PDE6A: variants seen among roughly 807,000 people sequenced by gnomAD.
PDE6A encodes phosphodiesterase 6A.
In PDE6A, 84 loss-of-function variants were observed where a neutral mutation model predicts 106.3. The ratio of observed to expected loss-of-function variants is 0.79; its 90% CI spans 0.66 to 0.95. PDE6A has a LOEUF of 0.95. Ranked by LOEUF, PDE6A falls within the 40% of genes least tolerant of loss-of-function variation. PDE6A has a pLI of 0.00. For missense variants in PDE6A, 1,052 were observed against 1,084.9 expected, an observed-to-expected ratio of 0.97 and a Z score of 0.43; for synonymous variants, 394 against 386.6, an observed-to-expected ratio of 1.02 and a Z score of -0.23.
intron 5 of PDE6A, among the ~76,000 whole-genome samples, chr5:149,920,648 C>T (rs1753677574): frequency 6.6e-6 from 1 of 152,112 alleles, no homozygotes; most frequent in South Asian, 2.1e-4. Flanking sequence ...GAGGTAGCTG[C>T]TACTCAGCTC....
At chr5:149,868,243 AC>A in intron 17 of PDE6A, 85 bp from the exon 18 acceptor site, 5 of 1,309,442 alleles carry the variant, frequency 3.8e-6, no homozygotes, top group Non-Finnish European at 4.4e-6. Flanking sequence ...ACCTTTCTCC[AC>A]CCCCACTAGT....
At chr5:149,944,118 G>T in intron 1 of PDE6A, 82 bp downstream of exon 1, 1 of 994,864 alleles carries the variant, frequency 1.0e-6, no homozygotes, top group Non-Finnish European at 1.6e-6. Context: ...TGTCTTGGTG[G>T]CCAATGCCCC....
Position 149,899,363 on chromosome 5 carries a change from A to C in PDE6A, c.1263+12T>G. The C allele has an allele frequency of 6.2e-7, 1 of 1,613,886 alleles. No individual in the cohort carries two copies. The highest frequency in any genetic ancestry group is 1.3e-5 in the African/African-American group (1 of 75,030). ...GAATCCCAACAGCAAAAGGCCTCCTAGCAAGCCATACCTCCATGAGCGTCT... is the reference window on the plus strand; with the variant it reads ...GAATCCCAACAGCAAAAGGCCTCCTCGCAAGCCATACCTCCATGAGCGTCT... On this transcript the variant is annotated intron_variant, in intron 9 of 21. Coordinates refer to ENST00000255266, the MANE Select transcript of PDE6A (RefSeq NM_000440.3).
chr5:149,922,296 A>AATTATTATT (rs142378973), intron 4 of PDE6A, among the ~76,000 whole-genome samples: 161 of 148,918 alleles, frequency 1.1e-3, no homozygotes, highest in Middle Eastern at 3.5e-3. Context: ...ATTTACAACA[A>AATTATTATT]ATTATTATTA....
intron 1 of PDE6A, among the ~76,000 whole-genome samples, chr5:149,939,134 C>T (rs1173558462): frequency 6.6e-6 from 1 of 152,116 alleles, no homozygotes; most frequent in East Asian, 1.9e-4. Context: ...GTGCAAATAC[C>T]AAGTACGCAG....
chr5:149,907,091 C>T (rs1051988817), intron 7 of PDE6A, among the ~76,000 whole-genome samples: 9 of 152,136 alleles, frequency 5.9e-5, no homozygotes, highest in African/African-American at 2.2e-4. Context: ...CACCTTTCTA[C>T]CTAAGGATTA....
chr5:149,873,980 T>C (rs1262597018), intron 17 of PDE6A, among the ~76,000 whole-genome samples: 4 of 150,056 alleles, frequency 2.7e-5, no homozygotes, highest in African/African-American at 9.8e-5. Context: ...CACTTCAGTC[T>C]GAGCAACAGA....
chr5:149,892,848 A>G (rs768819583), intron 13 of PDE6A, among the ~76,000 whole-genome samples: 9 of 152,244 alleles, frequency 5.9e-5, no homozygotes, highest in Non-Finnish European at 1.2e-4. Flanking sequence ...AACCATTTAC[A>G]AAGATATTTT....
intron 10 of PDE6A, 82 bp downstream of exon 10, chr5:149,898,281 G>T (rs571872846): frequency 3.9e-6 from 5 of 1,289,326 alleles, no homozygotes; most frequent in Admixed American, 3.4e-5. Flanking sequence ...CCCTCATGGA[G>T]TTGCAAGTTT....
At chr5:149,868,848 C>G (rs1303824834) in intron 17 of PDE6A, among the ~76,000 whole-genome samples, 1 of 152,174 alleles carries the variant, frequency 6.6e-6, no homozygotes, top group Non-Finnish European at 1.5e-5. Context: ...CTCCATTTTT[C>G]TATCAGTCAG....
At chr5:149,932,408 T>A (rs977083355) in intron 3 of PDE6A, 48 of 1,364,364 alleles carry the variant, frequency 3.5e-5, no homozygotes, top group Non-Finnish European at 4.9e-5. Context: ...CTGTTTTTAG[T>A]GCGAGGAGTT....
chr5:149,913,232 A>G lies in PDE6A; in HGVS notation c.998+1711T>C, dbSNP rs560491737. Reference sequence around the variant, plus strand: ...CCCCATCTCTACTAAAAATACACAAATTAGCTGGGTGTGGTGGCGTGTGCC... The same window carrying G: ...CCCCATCTCTACTAAAAATACACAAGTTAGCTGGGTGTGGTGGCGTGTGCC... On this transcript the variant is annotated intron_variant, in intron 6 of 21. Transcript: ENST00000255266. Among the ~76,000 whole-genome samples, 146 of 152,082 alleles carry G rather than the reference A, an allele frequency of 9.6e-4. 1 individual carries two copies. The highest frequency in any genetic ancestry group is 7.9e-4 in the Non-Finnish European group (54 of 67,976).
chr5:149,898,214 A>G, intron 10 of PDE6A, 149 bp downstream of exon 10: 4 of 682,554 alleles, frequency 5.9e-6, no homozygotes, highest in Non-Finnish European at 1.0e-5. Context: ...GGGCTGCTGC[A>G]TCCCTGTGCT....
chr5:149,903,845 A>G, intron 7 of PDE6A, 150 bp from the exon 8 acceptor site: 2 of 770,338 alleles, frequency 2.6e-6, no homozygotes, highest in Non-Finnish European at 2.4e-6. Context: ...ACAGTTTTCA[A>G]TTATTCACTG....
At chr5:149,943,180 G>T (rs1217660964) in intron 1 of PDE6A, among the ~76,000 whole-genome samples, 2 of 152,098 alleles carry the variant, frequency 1.3e-5, no homozygotes, top group African/African-American at 2.4e-5. Flanking sequence ...GCAGTGCATT[G>T]TGTCCCTGGG....
Position 149,898,433 on chromosome 5 carries a change from C to T in PDE6A, c.1337G>A (p.Arg446Lys). 6.2e-7 allele frequency: 1 copy of T among 1,612,454 alleles called. No homozygotes were observed. Among genetic ancestry groups the T allele is most frequent in the South Asian group, 1.1e-5 (1 of 91,062 alleles). Residue 446 changes from arginine to lysine, a missense_variant, in exon 10 of 22, where the codon AGG becomes AAG. Arg to Lys is a conservative substitution (Grantham distance 26, BLOSUM62 2). Transcript: ENST00000255266. The part of the protein sequence containing the change: ...TYESMNKLEN[R>K]KDIFQDIVKY... ...TACTATGTCCTGGAAAATATCCTTCCTATTTTCAAGTTTATTCATTGACTC... is the reference window on the plus strand; with the variant it reads ...TACTATGTCCTGGAAAATATCCTTCTTATTTTCAAGTTTATTCATTGACTC...
chr5:149,930,350 A>T (rs1753997258), intron 4 of PDE6A, among the ~76,000 whole-genome samples: 1 of 152,234 alleles, frequency 6.6e-6, no homozygotes, highest in Non-Finnish European at 1.5e-5. Flanking sequence ...GGCGTACAAA[A>T]TGAAACTGGC....
intron 13 of PDE6A, among the ~76,000 whole-genome samples, chr5:149,888,940 A>C (rs1213263761): frequency 3.3e-5 from 5 of 151,746 alleles, no homozygotes; most frequent in Admixed American, 2.0e-4. Flanking sequence ...AAAATTAGCC[A>C]GGCATGGTGG....
At chr5:149,942,238 C>T (rs958959419) in intron 1 of PDE6A, among the ~76,000 whole-genome samples, 31 of 152,198 alleles carry the variant, frequency 2.0e-4, no homozygotes, top group Non-Finnish European at 4.1e-4. Context: ...GCTGGGATTA[C>T]AGGTGTGAGC....
Sources: gnomAD v4.1 joint callset for allele counts (sites outside exome capture counted in the v4.1 genomes callset) on GRCh38, gnomAD v4.1.1 for gene constraint, MANE v1.5 for transcripts, NCBI Gene and HGNC (gene_info 2026-07-23, HGNC 2026-07-21) for gene names.